The following SEMA3C variants were observed in gnomAD, a reference collection of about 807,000 sequenced individuals.
SEMA3C encodes the protein semaphorin 3C.
In SEMA3C, 47 loss-of-function variants were observed where a neutral mutation model predicts 89.4. That is an observed-to-expected ratio of 0.53 (90% CI 0.42 to 0.67). The LOEUF (loss-of-function observed/expected upper bound fraction) is 0.67. Among genes scored for constraint, SEMA3C ranks in the 30% least tolerant of loss-of-function variants. SEMA3C has a pLI of 0.00. For synonymous variants in SEMA3C, 310 were observed against 320.2 expected (o/e 0.97, Z 0.34); for missense variants, 839 against 929.1 (o/e 0.90, Z 1.26).
chr7:80,828,291 C>T (rs1378607234), intron 3 of SEMA3C, among the ~76,000 whole-genome samples: 1 of 152,072 alleles, frequency 6.6e-6, no homozygotes, highest in Non-Finnish European at 1.5e-5. Context: ...TTTTCTCTGA[C>T]CATTTCTTTC....
chr7:80,854,797 T>G (rs1790596089), intron 2 of SEMA3C, among the ~76,000 whole-genome samples: 1 of 152,204 alleles, frequency 6.6e-6, no homozygotes, highest in Non-Finnish European at 1.5e-5. Context: ...GAACAACTTT[T>G]ATACCTATTT....
At chr7:80,874,065 T>C (rs867318788) in intron 2 of SEMA3C, among the ~76,000 whole-genome samples, 63 of 152,194 alleles carry the variant, frequency 4.1e-4, no homozygotes, top group South Asian at 2.1e-4. Flanking sequence ...CAAGTGTTCC[T>C]GGCCTGAGGC....
intron 2 of SEMA3C, among the ~76,000 whole-genome samples, chr7:80,843,672 G>T (rs868453192): frequency 1.3e-5 from 2 of 152,090 alleles, no homozygotes; most frequent in Non-Finnish European, 2.9e-5. Flanking sequence ...CAGGATAATT[G>T]TACACTAGCT....
intron 4 of SEMA3C, among the ~76,000 whole-genome samples, chr7:80,824,250 T>C (rs532780831): frequency 1.3e-3 from 203 of 152,214 alleles, no homozygotes; most frequent in Non-Finnish European, 1.6e-3. Flanking sequence ...AAGCAGAAAG[T>C]TTTAGCTTAA....
chr7:80,755,528 C>T (rs1156335447), intron 15 of SEMA3C, among the ~76,000 whole-genome samples: 1 of 151,348 alleles, frequency 6.6e-6, no homozygotes, highest in Non-Finnish European at 1.5e-5. Flanking sequence ...AACTGGTATA[C>T]CTATACAACT....
intron 2 of SEMA3C, among the ~76,000 whole-genome samples, chr7:80,895,403 TA>T (rs1791710203): frequency 6.6e-6 from 1 of 152,204 alleles, no homozygotes; most frequent in Admixed American, 6.5e-5. Context: ...ACAGCCTCAT[TA>T]GTTTCTCCTA....
At chr7:80,834,323 T>C (rs1790077513) in intron 2 of SEMA3C, among the ~76,000 whole-genome samples, 1 of 152,154 alleles carries the variant, frequency 6.6e-6, no homozygotes. Context: ...CACAATATGC[T>C]TACCTAAAAT....
chr7:80,834,726 G>A (rs1024315604), intron 2 of SEMA3C, among the ~76,000 whole-genome samples: 1 of 152,074 alleles, frequency 6.6e-6, no homozygotes, highest in Non-Finnish European at 1.5e-5. Flanking sequence ...GTGGAAGATT[G>A]GTTCCAGGAT....
At position 80,744,821 on chromosome 7, in the gene SEMA3C, T is replaced by G. The variant is rs1787761142; in HGVS notation, c.*73A>C. The G allele has an allele frequency of 6.5e-7, 1 of 1,544,878 alleles. No homozygotes were observed. Among genetic ancestry groups the G allele is most frequent in the Middle Eastern group, 2.0e-4 (1 of 4,988 alleles). Reference sequence around the variant, plus strand: ...TAATTCCCCTTGGTAAAGCACAAGTTTCTTTGCTCAAAATTTGATCATTGA... The same window carrying G: ...TAATTCCCCTTGGTAAAGCACAAGTGTCTTTGCTCAAAATTTGATCATTGA... On this transcript the variant is annotated 3_prime_UTR_variant, in exon 18 of 18. Coordinates refer to ENST00000265361, the MANE Select transcript of SEMA3C (RefSeq NM_006379.5).
intron 13 of SEMA3C, among the ~76,000 whole-genome samples, chr7:80,763,469 T>C (rs1278738674): frequency 6.6e-6 from 1 of 152,156 alleles, no homozygotes; most frequent in Non-Finnish European, 1.5e-5. Flanking sequence ...TTTTGGTGTC[T>C]CATGGGCTGA....
At chr7:80,799,808 CAT>C (rs1387287643) in intron 10 of SEMA3C, among the ~76,000 whole-genome samples, 1 of 150,456 alleles carries the variant, frequency 6.6e-6, no homozygotes, top group African/African-American at 2.4e-5. Context: ...GAGCTGAGAT[CAT>C]GCCATTGCAC....
At chr7:80,779,414 T>G (rs1162828662) in intron 12 of SEMA3C, among the ~76,000 whole-genome samples, 1 of 152,200 alleles carries the variant, frequency 6.6e-6, no homozygotes, top group Non-Finnish European at 1.5e-5. Context: ...CAATGCTATT[T>G]CTTTCCCCCA....
intron 12 of SEMA3C, among the ~76,000 whole-genome samples, chr7:80,780,207 A>T (rs1346507377): frequency 6.6e-6 from 1 of 152,206 alleles, no homozygotes; most frequent in Non-Finnish European, 1.5e-5. Context: ...ATGTGAAATA[A>T]ATATTCATTG....
chr7:80,888,070 T>G (rs556208792), intron 2 of SEMA3C, among the ~76,000 whole-genome samples: 5 of 152,270 alleles, frequency 3.3e-5, no homozygotes, highest in Non-Finnish European at 5.9e-5. Flanking sequence ...TTTTTCCCCT[T>G]AAACTATGAA....
At chr7:80,754,971 TG>T (rs1388034009) in intron 15 of SEMA3C, among the ~76,000 whole-genome samples, 16 of 146,808 alleles carry the variant, frequency 1.1e-4, no homozygotes, top group African/African-American at 3.0e-4. Context: ...TTTTTTTTTT[TG>T]TATTTTTAGT....
chr7:80,881,841 A>G (rs964291063), intron 2 of SEMA3C, among the ~76,000 whole-genome samples: 1 of 152,196 alleles, frequency 6.6e-6, no homozygotes, highest in African/African-American at 2.4e-5. Context: ...ATTTGTTGTG[A>G]TAGAGAAAGC....
At chr7:80,815,845 T>C (rs1306323168) in intron 5 of SEMA3C, 3 of 152,232 alleles carry the variant, frequency 2.0e-5, no homozygotes, top group East Asian at 1.9e-4. Flanking sequence ...GGGAGCTTAA[T>C]TGGTATCTGG....
At chr7:80,861,158 T>C (rs2115988860) in intron 2 of SEMA3C, among the ~76,000 whole-genome samples, 1 of 152,180 alleles carries the variant, frequency 6.6e-6, no homozygotes, top group African/African-American at 2.4e-5. Context: ...AAAAATGTTT[T>C]CTCCCCTGTT....
At chr7:80,784,322 C>T (rs1454393986) in intron 12 of SEMA3C, among the ~76,000 whole-genome samples, 2 of 149,866 alleles carry the variant, frequency 1.3e-5, no homozygotes, top group Non-Finnish European at 3.0e-5. Context: ...AGCCCTAATG[C>T]TACAGAATAA....
Sources: gnomAD v4.1 joint callset for allele counts (sites outside exome capture counted in the v4.1 genomes callset) on GRCh38, gnomAD v4.1.1 for gene constraint, MANE v1.5 for transcripts, NCBI Gene and HGNC (gene_info 2026-07-23, HGNC 2026-07-21) for gene names.